PCSK6: variants seen among roughly 807,000 people sequenced by gnomAD.
The protein encoded by PCSK6 is paired basic amino acid cleaving enzyme 4.
Under a neutral mutation model 123.3 loss-of-function variants are expected in PCSK6, and 85 were observed. That is an observed-to-expected ratio of 0.69 (90% CI 0.58 to 0.83). The LOEUF (loss-of-function observed/expected upper bound fraction) is 0.83, where lower values mean the gene tolerates loss of function less well. Ranked by LOEUF, PCSK6 falls within the 40% of genes least tolerant of loss-of-function variation. The pLI is 0.00. For missense variants in PCSK6, 1,191 were observed against 1,282.3 expected, an observed-to-expected ratio of 0.93 and a Z score of 1.09; for synonymous variants, 508 against 516.0, an observed-to-expected ratio of 0.98 and a Z score of 0.21.
intron 16 of PCSK6, among the ~76,000 whole-genome samples, chr15:101,325,500 T>G (rs1406257688): frequency 6.6e-6 from 1 of 152,156 alleles, no homozygotes; most frequent in Non-Finnish European, 1.5e-5. Context: ...CGGCTTGACC[T>G]TGCACGGCCG....
chr15:101,351,992 G>C (rs10444902), intron 13 of PCSK6, among the ~76,000 whole-genome samples: 1 of 152,086 alleles, frequency 6.6e-6, no homozygotes, highest in African/African-American at 2.4e-5. Flanking sequence ...GAGTTGAGTA[G>C]TTGTCTCAGA....
At chr15:101,417,963 T>A (rs531239327) in intron 6 of PCSK6, among the ~76,000 whole-genome samples, 1 of 151,990 alleles carries the variant, frequency 6.6e-6, no homozygotes, top group African/African-American at 2.4e-5. Flanking sequence ...AAAAACCTAT[T>A]TTATTAAAAA....
intron 15 of PCSK6, among the ~76,000 whole-genome samples, chr15:101,327,298 C>A (rs534010572): frequency 5.2e-4 from 79 of 152,274 alleles, no homozygotes; most frequent in African/African-American, 1.8e-3. Flanking sequence ...CAAACCTCAC[C>A]CTCTAGGTCC....
At chr15:101,355,348 C>A (rs1336619073) in intron 13 of PCSK6, among the ~76,000 whole-genome samples, 2 of 152,184 alleles carry the variant, frequency 1.3e-5, no homozygotes, top group East Asian at 3.8e-4. Context: ...GAAAGCATGC[C>A]TGATTATTTT....
At chr15:101,343,259 C>T (rs1487783375) in intron 13 of PCSK6, among the ~76,000 whole-genome samples, 5 of 152,086 alleles carry the variant, frequency 3.3e-5, no homozygotes, top group African/African-American at 1.2e-4. Context: ...TTTCCTTGGT[C>T]TACTTACAAG....
chr15:101,328,016 CCCATCTGATT>C (rs2040297139), intron 15 of PCSK6, among the ~76,000 whole-genome samples: 2 of 152,198 alleles, frequency 1.3e-5, no homozygotes, highest in African/African-American at 4.8e-5. Flanking sequence ...TGGATCAATT[CCCATCTGATT>C]GGATTCTTTG....
At chr15:101,327,177 G>A (rs908423602) in intron 15 of PCSK6, among the ~76,000 whole-genome samples, 5 of 152,154 alleles carry the variant, frequency 3.3e-5, no homozygotes, top group Non-Finnish European at 5.9e-5. Context: ...TTGGTGGGAC[G>A]GCAGCTGTGT....
Position 101,398,688 on chromosome 15 carries a change from A to G in PCSK6, c.824-112T>C, listed in dbSNP as rs2042495539. On this transcript the variant is annotated intron_variant, in intron 6 of 21. Coordinates refer to ENST00000611716, the MANE Select transcript of PCSK6 (RefSeq NM_002570.5). This position sits in a 1 kb window ranked among gnomAD's most constrained non-coding sequence, Gnocchi z 4.6. ...ACACCGCATCACAGAGTCCCTCCCC[A>G]GCAGGGGCTGTTCCCAGTCATTCTG... 19 of 1,162,996 alleles carry G rather than the reference A, an allele frequency of 1.6e-5. No homozygotes were observed. Among genetic ancestry groups the G allele is most frequent in the Non-Finnish European group, 2.3e-5 (19 of 836,790 alleles). The allele number at this position is 1,162,996 out of a possible 1,614,324, so 72.0% of individuals were successfully genotyped here. A position where few individuals can be genotyped will look rare whatever the true frequency, so the allele number is the denominator to read the frequency against.
At chr15:101,379,077 G>C (rs566053222) in intron 11 of PCSK6, among the ~76,000 whole-genome samples, 1 of 152,360 alleles carries the variant, frequency 6.6e-6, no homozygotes, top group East Asian at 1.9e-4. Flanking sequence ...TGGGTGACGG[G>C]GCACCAGCTC....
chr15:101,475,694 T>C (rs557570986), intron 1 of PCSK6, among the ~76,000 whole-genome samples: 11 of 148,414 alleles, frequency 7.4e-5, no homozygotes, highest in African/African-American at 2.8e-4. Context: ...ACTTGCCATC[T>C]TGCCCAGGCT....
At chr15:101,454,271 C>T (rs989851756) in intron 1 of PCSK6, among the ~76,000 whole-genome samples, 1 of 152,174 alleles carries the variant, frequency 6.6e-6, no homozygotes, top group East Asian at 1.9e-4. Flanking sequence ...AAAATATATA[C>T]CTCCTGTACC....
At position 101,432,006 on chromosome 15, in the gene PCSK6, G is replaced by A. The variant is rs918131166; in HGVS notation, c.497C>T (p.Ser166Phe). 4 of 1,612,534 alleles carry A rather than the reference G, an allele frequency of 2.5e-6. No homozygotes were observed. The highest frequency in any genetic ancestry group is 1.7e-6 in the Non-Finnish European group (2 of 1,178,958). Reference sequence around the variant, plus strand: ...CCTACTCACCAGGTACCACATGTTGGACCAAATGGGGTCGTTGAAGTAAAG... The same window carrying A: ...CCTACTCACCAGGTACCACATGTTGAACCAAATGGGGTCGTTGAAGTAAAG... ...QALYFNDPIW[S>F]NMWYLHCGDK... is the part of the protein sequence containing the mutation. The change falls in exon 3 of 22, where the codon TCC (serine) becomes TTC (phenylalanine). Residue 166 changes from serine (S) to phenylalanine (F), a missense_variant. Around this residue, in one of 3 missense-constraint regions of PCSK6, gnomAD observed 357 missense variants for 484.5 expected, o/e 0.74. Coordinates refer to ENST00000611716, the MANE Select transcript of PCSK6 (RefSeq NM_002570.5).
At chr15:101,434,760 G>A (rs2056547699) in intron 2 of PCSK6, among the ~76,000 whole-genome samples, 1 of 151,912 alleles carries the variant, frequency 6.6e-6, no homozygotes, top group South Asian at 2.1e-4. Context: ...CCGTGGAGAC[G>A]GGATGCAGGC....
chr15:101,409,584 CAA>C (rs10666147), intron 6 of PCSK6, among the ~76,000 whole-genome samples: 3 of 121,788 alleles, frequency 2.5e-5, no homozygotes, highest in Admixed American at 8.4e-5. Context: ...GACTCCGTCT[CAA>C]AAAAAAAAAA....
At chr15:101,456,507 A>G (rs2057185078) in intron 1 of PCSK6, among the ~76,000 whole-genome samples, 1 of 152,126 alleles carries the variant, frequency 6.6e-6, no homozygotes, top group South Asian at 2.1e-4. Context: ...GGTATTTTAG[A>G]CATGAGGGAC....
At chr15:101,371,703 TGCCTCCAGGCCTCACTGCCTCC>T (rs1288440863) in intron 11 of PCSK6, among the ~76,000 whole-genome samples, 1 of 151,622 alleles carries the variant, frequency 6.6e-6, no homozygotes, top group Non-Finnish European at 1.5e-5. Context: ...CCCACGCCTC[TGCCTCCAGGCCTCACTGCCTCC>T]GCCTCCAGGC....
At position 101,398,108 on chromosome 15, in the gene PCSK6, C is replaced by T. The variant is rs2141573031; in HGVS notation, c.996+296G>A. Among the ~76,000 whole-genome samples the T allele has an allele frequency of 6.6e-6, 1 of 152,346 alleles. No individual in the cohort carries two copies. Among genetic ancestry groups the T allele is most frequent in the East Asian group, 1.9e-4 (1 of 5,188 alleles). Reference sequence around the variant, plus strand: ...GACCCCCGTCACCCACCTGTGTACCCCCTTCAGCCAGGGATGGGCAAACTC... The same window carrying T: ...GACCCCCGTCACCCACCTGTGTACCTCCTTCAGCCAGGGATGGGCAAACTC... On this transcript the variant is annotated intron_variant, in intron 7 of 21. Transcript: ENST00000611716. This position sits in a 1 kb window ranked among gnomAD's most constrained non-coding sequence, Gnocchi z 4.6.
At chr15:101,444,017 G>A (rs946093263) in intron 1 of PCSK6, among the ~76,000 whole-genome samples, 1 of 152,176 alleles carries the variant, frequency 6.6e-6, no homozygotes, top group African/African-American at 2.4e-5. Flanking sequence ...AGCTAAGTTG[G>A]TGTCAAGTCA....
intron 13 of PCSK6, among the ~76,000 whole-genome samples, chr15:101,364,581 T>G (rs946975368): frequency 2.0e-5 from 3 of 152,102 alleles, no homozygotes; most frequent in Non-Finnish European, 4.4e-5. Flanking sequence ...AATAAAATAC[T>G]TAGGAACAAC....
Sources: allele counts gnomAD v4.1 joint callset (sites outside exome capture counted in the v4.1 genomes callset), GRCh38; gene constraint gnomAD v4.1.1; regional missense constraint gnomAD v4.1.1; non-coding constraint Gnocchi (gnomAD v3.1); transcripts MANE v1.5; gene names NCBI Gene and HGNC (gene_info 2026-07-23, HGNC 2026-07-21).